The following ALMS1 variants were observed in gnomAD, a reference collection of about 807,000 sequenced individuals.
ALMS1 encodes centrosome-associated protein ALMS1.
Under a neutral mutation model 352.2 loss-of-function variants are expected in ALMS1, and 271 were observed. The ratio of observed to expected loss-of-function variants is 0.77; its 90% CI spans 0.70 to 0.85. The LOEUF (loss-of-function observed/expected upper bound fraction) is 0.85, where lower values mean the gene tolerates loss of function less well. Ranked by LOEUF, ALMS1 falls within the 40% of genes least tolerant of loss-of-function variation. The probability of loss-of-function intolerance (pLI) is 0.00; values close to 1 mark genes in which losing one functional copy is unlikely to be tolerated. For synonymous variants in ALMS1, 1,865 were observed against 1,761.2 expected, an observed-to-expected ratio of 1.06 and a Z score of -1.48; for missense variants, 5,445 against 4,870.7, an observed-to-expected ratio of 1.12 and a Z score of -3.51.
At chr2:73,552,423 A>G (rs1425155933) in intron 13 of ALMS1, among the ~76,000 whole-genome samples, 1 of 152,242 alleles carries the variant, frequency 6.6e-6, no homozygotes, top group Non-Finnish European at 1.5e-5. Context: ...TGGTTGAAAC[A>G]GATAAGCCTA....
At chr2:73,532,567 A>G (rs1191650052) in intron 11 of ALMS1, among the ~76,000 whole-genome samples, 2 of 152,072 alleles carry the variant, frequency 1.3e-5, no homozygotes, top group African/African-American at 4.8e-5. Context: ...TCAAGGCCCA[A>G]GGGCTCTTTC....
At chr2:73,543,928 T>C (rs1674251596) in intron 12 of ALMS1, among the ~76,000 whole-genome samples, 1 of 152,178 alleles carries the variant, frequency 6.6e-6, no homozygotes, top group African/African-American at 2.4e-5. Context: ...GACTGTAAAC[T>C]AGTTCAACCA....
chr2:73,406,244 C>G (rs1318993396), intron 1 of ALMS1, among the ~76,000 whole-genome samples: 1 of 152,094 alleles, frequency 6.6e-6, no homozygotes, highest in African/African-American at 2.4e-5. Context: ...TAGTGTTCTC[C>G]TTTGTCTATG....
At chr2:73,396,024 T>A (rs1670752829) in intron 1 of ALMS1, among the ~76,000 whole-genome samples, 1 of 152,176 alleles carries the variant, frequency 6.6e-6, no homozygotes, top group South Asian at 2.1e-4. Context: ...TTGGGCCACA[T>A]TCATGGTCCT....
chr2:73,449,856 C>G lies in ALMS1; in HGVS notation c.3329C>G (p.Thr1110Ser). ...AAGCCTGGTATTTTCTACCAACAGA[C>G]CTTGCCAGAGAGTCATCTGCCTAAA... ...REKPGIFYQQ[T>S]LPESHLPKEA... Residue 1110 changes from threonine (T) to serine (S), a missense_variant, in exon 8 of 23, where the codon ACC becomes AGC. Thr to Ser is a moderately conservative substitution (Grantham distance 58). Coordinates refer to ENST00000613296, the MANE Select transcript of ALMS1 (RefSeq NM_001378454.1). The G allele has an allele frequency of 6.2e-7, 1 of 1,613,778 alleles. No individual in the cohort carries two copies. Among genetic ancestry groups the G allele is most frequent in the Non-Finnish European group, 8.5e-7 (1 of 1,179,862 alleles).
chr2:73,585,610 G>A (rs1334713938), intron 16 of ALMS1, among the ~76,000 whole-genome samples: 2 of 151,402 alleles, frequency 1.3e-5, no homozygotes, highest in African/African-American at 4.9e-5. Flanking sequence ...GAGCCAGGAT[G>A]GTCTTGATCT....
At chr2:73,564,404 G>A (rs1326933437) in intron 15 of ALMS1, among the ~76,000 whole-genome samples, 4 of 141,792 alleles carry the variant, frequency 2.8e-5, no homozygotes, top group African/African-American at 1.1e-4. Flanking sequence ...AGGCAGAGGC[G>A]ACAGTGAGCC....
intron 16 of ALMS1, among the ~76,000 whole-genome samples, chr2:73,578,882 T>G (rs1489009624): frequency 1.3e-5 from 2 of 152,042 alleles, no homozygotes; most frequent in Admixed American, 6.5e-5. Flanking sequence ...TTACCCTTAT[T>G]TCTTATGCCT....
chr2:73,589,507 T>C (rs895059768), intron 16 of ALMS1, among the ~76,000 whole-genome samples: 1 of 152,194 alleles, frequency 6.6e-6, no homozygotes, highest in African/African-American at 2.4e-5. Flanking sequence ...TGTCTCCCCA[T>C]AGGAAACCAG....
chr2:73,593,721 C>T (rs1026926678), intron 16 of ALMS1, among the ~76,000 whole-genome samples: 15 of 152,184 alleles, frequency 9.9e-5, no homozygotes, highest in Admixed American at 7.9e-4. Flanking sequence ...ATCCTGTAAA[C>T]ATTAACAATC....
rs775610057 is a variant in ALMS1 at position 73,452,695 on chromosome 2, T to G, written c.6168T>G (p.Ile2056Met). 1 of 1,613,840 alleles carries G rather than the reference T, an allele frequency of 6.2e-7. No homozygotes were observed. The highest frequency in any genetic ancestry group is 1.7e-5 in the Admixed American group (1 of 59,996). The change falls in exon 8 of 23, where the codon ATT becomes ATG. Residue 2056 changes from isoleucine to methionine, a missense_variant. Ile to Met is a conservative substitution (Grantham distance 10, BLOSUM62 1). Coordinates refer to ENST00000613296, the MANE Select transcript of ALMS1 (RefSeq NM_001378454.1). Reference protein sequence around the residue: ...SSYSQTVKPNILFQQQLPDRD... With the variant: ...SSYSQTVKPNMLFQQQLPDRD... ...ATTCTCAAACAGTAAAGCCCAATATTTTATTTCAACAGCAGTTGCCAGATA... is the reference window on the plus strand; with the variant it reads ...ATTCTCAAACAGTAAAGCCCAATATGTTATTTCAACAGCAGTTGCCAGATA...
chr2:73,453,225 T>A lies in ALMS1; in HGVS notation c.6698T>A (p.Ile2233Lys), dbSNP rs764040829. 6.2e-7 allele frequency: 1 copy of A among 1,613,992 alleles called. No individual in the cohort carries two copies. The highest frequency in any genetic ancestry group is 8.5e-7 in the Non-Finnish European group (1 of 1,179,952). Residue 2233 changes from isoleucine to lysine, a missense_variant, in exon 8 of 23, where the codon ATA (isoleucine) becomes AAA (lysine). Transcript: ENST00000613296. ...TCTCAGGCTGATGACAGAGTTGTAA[T>A]AAATAAACCAGAATCTGCAGGTTTT... ...LNSQADDRVVINKPESAGFRD... is the reference protein window; with the variant it reads ...LNSQADDRVVKNKPESAGFRD...
In ALMS1 at chr2:73,590,977, CT is replaced by C. The variant is rs368786484; in HGVS notation, c.11548-8416del. Among the ~76,000 whole-genome samples the C allele has an allele frequency of 1.4e-4, 22 of 151,728 alleles. No homozygotes were observed. In the South Asian group the frequency reaches 3.8e-3, roughly 26 times the overall value. On this transcript the variant is annotated intron_variant, in intron 16 of 22. Transcript: ENST00000613296. ...AGGCGTGAGCCACCGCGCCCGGCCC[CT>C]TTTTTTTCTTTTTTAGAGATGTGGT...
At chr2:73,601,761 G>A (rs1043108516) in intron 19 of ALMS1, among the ~76,000 whole-genome samples, 3 of 152,256 alleles carry the variant, frequency 2.0e-5, no homozygotes, top group Admixed American at 6.5e-5. Flanking sequence ...GCGGCCTCAT[G>A]TGTGTTCCTC....
intron 12 of ALMS1, among the ~76,000 whole-genome samples, chr2:73,539,234 G>A (rs1035440390): frequency 2.2e-4 from 34 of 152,156 alleles, no homozygotes; most frequent in Admixed American, 2.2e-3. Flanking sequence ...ACCAATATTC[G>A]CTGTTCTGCA....
At chr2:73,417,710 G>A (rs1209811477) in intron 2 of ALMS1, among the ~76,000 whole-genome samples, 1 of 152,030 alleles carries the variant, frequency 6.6e-6, no homozygotes, top group Non-Finnish European at 1.5e-5. Context: ...GGTTTAATTG[G>A]GGAAAATGAT....
intron 3 of ALMS1, among the ~76,000 whole-genome samples, chr2:73,419,663 C>T (rs772242444): frequency 6.6e-6 from 1 of 151,808 alleles, no homozygotes; most frequent in Non-Finnish European, 1.5e-5. Flanking sequence ...CCATGATCCC[C>T]CACAAAAAAC....
intron 21 of ALMS1, among the ~76,000 whole-genome samples, chr2:73,604,665 G>A (rs951103210): frequency 1.3e-5 from 2 of 152,198 alleles, no homozygotes; most frequent in Admixed American, 6.5e-5. Flanking sequence ...TGCTTTGGAT[G>A]CTTTAGTCCA....
intron 9 of ALMS1, among the ~76,000 whole-genome samples, chr2:73,456,551 T>C (rs1350631158): frequency 6.6e-6 from 1 of 152,218 alleles, no homozygotes; most frequent in Non-Finnish European, 1.5e-5. Context: ...ATTATTACTA[T>C]TATTAATCCT....
Sources: allele counts gnomAD v4.1 joint callset (sites outside exome capture counted in the v4.1 genomes callset), GRCh38; gene constraint gnomAD v4.1.1; transcripts MANE v1.5; gene names NCBI Gene and HGNC (gene_info 2026-07-23, HGNC 2026-07-21).